The following CNDP1 variants were observed in gnomAD, a reference collection of about 807,000 sequenced individuals.
The protein encoded by CNDP1 is carnosine dipeptidase 1.
In CNDP1, 44 loss-of-function variants were observed where a neutral mutation model predicts 58.1. The ratio of observed to expected loss-of-function variants is 0.76; its 90% CI spans 0.60 to 0.97. The LOEUF (loss-of-function observed/expected upper bound fraction) is 0.97, where lower values mean the gene tolerates loss of function less well. Ranked by LOEUF, CNDP1 falls within the 50% of genes least tolerant of loss-of-function variation. The pLI is 0.00. For missense variants in CNDP1, 616 were observed against 655.1 expected (o/e 0.94, Z 0.65); for synonymous variants, 254 against 252.6 (o/e 1.01, Z -0.05).
intron 1 of CNDP1, among the ~76,000 whole-genome samples, chr18:74,540,744 G>A (rs538514552): frequency 1.3e-5 from 2 of 152,336 alleles, no homozygotes; most frequent in Admixed American, 6.5e-5. Context: ...GATTTTCAGG[G>A]TGATTGGCGA....
At chr18:74,573,971 G>A (rs1388748563) in intron 7 of CNDP1, among the ~76,000 whole-genome samples, 1 of 152,176 alleles carries the variant, frequency 6.6e-6, no homozygotes, top group East Asian at 1.9e-4. Context: ...AAAAACATAA[G>A]GACATAGTGT....
intron 6 of CNDP1, among the ~76,000 whole-genome samples, chr18:74,570,586 G>A (rs1471674483): frequency 6.6e-6 from 1 of 152,214 alleles, no homozygotes; most frequent in Non-Finnish European, 1.5e-5. Flanking sequence ...TGTTGGCAAA[G>A]TCCCTTAGGA....
intron 10 of CNDP1, among the ~76,000 whole-genome samples, chr18:74,583,317 T>G (rs966822462): frequency 1.3e-5 from 2 of 152,190 alleles, no homozygotes; most frequent in South Asian, 4.1e-4. Context: ...CTAAAATCTT[T>G]TTTAAAGTAG....
At chr18:74,541,865 G>A (rs920106198) in intron 1 of CNDP1, among the ~76,000 whole-genome samples, 3 of 152,220 alleles carry the variant, frequency 2.0e-5, no homozygotes, top group Admixed American at 6.5e-5. Context: ...CATGGTACAC[G>A]TGGCTCAGCT....
intron 3 of CNDP1, among the ~76,000 whole-genome samples, chr18:74,560,021 T>TTTTC (rs1981147057): frequency 6.7e-6 from 1 of 149,122 alleles, no homozygotes; most frequent in Non-Finnish European, 1.5e-5. Flanking sequence ...TTTTTTTTTT[T>TTTTC]TTTTTTGAGA....
At chr18:74,536,327 TCTC>T (rs1300917056) in intron 1 of CNDP1, among the ~76,000 whole-genome samples, 2 of 152,118 alleles carry the variant, frequency 1.3e-5, no homozygotes, top group African/African-American at 4.8e-5. Flanking sequence ...TGTGTGTTGT[TCTC>T]CTCTATGTGT....
intron 1 of CNDP1, among the ~76,000 whole-genome samples, chr18:74,551,151 C>A (rs1214891841): frequency 6.6e-6 from 1 of 152,202 alleles, no homozygotes; most frequent in East Asian, 1.9e-4. Context: ...CCTGCCTGTT[C>A]CTGCTTCACC....
At chr18:74,543,915 T>A (rs1489627074) in intron 1 of CNDP1, among the ~76,000 whole-genome samples, 1 of 152,030 alleles carries the variant, frequency 6.6e-6, no homozygotes, top group Non-Finnish European at 1.5e-5. Flanking sequence ...TGGGTCCCCA[T>A]CTCTAAAAAA....
In CNDP1 at chr18:74,534,617, A is replaced by G; in HGVS notation, c.-51A>G. On this transcript the variant is annotated 5_prime_UTR_variant, in exon 1 of 12. Coordinates refer to ENST00000358821, the MANE Select transcript of CNDP1 (RefSeq NM_032649.6). Reference sequence around the variant, plus strand: ...GGGCTTTCATGGGACTCCCTCTGCCACATTTTTTGGAGGTTGGGAAAGTTG... The same window carrying G: ...GGGCTTTCATGGGACTCCCTCTGCCGCATTTTTTGGAGGTTGGGAAAGTTG... 2 of 1,608,884 alleles carry G rather than the reference A, an allele frequency of 1.2e-6. No homozygotes were observed. Among genetic ancestry groups the G allele is most frequent in the Non-Finnish European group, 1.7e-6 (2 of 1,175,376 alleles).
intron 2 of CNDP1, among the ~76,000 whole-genome samples, chr18:74,558,160 A>G (rs150804907): frequency 3.3e-5 from 5 of 152,332 alleles, no homozygotes; most frequent in African/African-American, 9.6e-5. Flanking sequence ...TCAAACTCAA[A>G]TAAGTCAGGA....
chr18:74,578,421 T>C (rs1981690336), intron 9 of CNDP1, 94 bp downstream of exon 9: 3 of 1,265,168 alleles, frequency 2.4e-6, no homozygotes, highest in East Asian at 2.4e-5. Context: ...GTTGCTACCA[T>C]TGGAGTATCA....
intron 1 of CNDP1, among the ~76,000 whole-genome samples, chr18:74,544,983 G>A (rs1301473009): frequency 2.0e-5 from 3 of 152,094 alleles, no homozygotes; most frequent in Admixed American, 6.6e-5. Context: ...GTGCACACAC[G>A]GAGGCAGAGA....
At chr18:74,550,579 ATT>A (rs796382003) in intron 1 of CNDP1, among the ~76,000 whole-genome samples, 215 of 138,162 alleles carry the variant, frequency 1.6e-3, no homozygotes, top group African/African-American at 4.7e-3. Flanking sequence ...GCATTATTGA[ATT>A]TTTTTTTTTT....
chr18:74,573,583 A>G (rs1244927287), intron 7 of CNDP1, among the ~76,000 whole-genome samples: 1 of 152,240 alleles, frequency 6.6e-6, no homozygotes, highest in African/African-American at 2.4e-5. Flanking sequence ...TTTCCCTTAA[A>G]GAGTTTAAAT....
intron 1 of CNDP1, among the ~76,000 whole-genome samples, chr18:74,537,424 C>T (rs185950942): frequency 1.3e-5 from 2 of 152,238 alleles, no homozygotes; most frequent in Admixed American, 1.3e-4. Context: ...TTGTTTTTGT[C>T]GCTATTGCTG....
intron 6 of CNDP1, among the ~76,000 whole-genome samples, chr18:74,568,228 G>C (rs1822556323): frequency 1.3e-5 from 2 of 152,202 alleles, no homozygotes; most frequent in Non-Finnish European, 2.9e-5. Context: ...TTGAGATTCA[G>C]ATGTCAGCAC....
chr18:74,548,698 T>A (rs1431789235), intron 1 of CNDP1, among the ~76,000 whole-genome samples: 1 of 152,130 alleles, frequency 6.6e-6, no homozygotes, highest in Non-Finnish European at 1.5e-5. Context: ...AACAGGAAGA[T>A]GAGGGAAAGT....
chr18:74,583,477 G>T, intron 10 of CNDP1, 84 bp from the exon 11 acceptor site: 1 of 1,075,548 alleles, frequency 9.3e-7, no homozygotes, highest in Non-Finnish European at 1.4e-6. Context: ...GAGAGAGGAA[G>T]GTAAAGGAGG....
intron 1 of CNDP1, among the ~76,000 whole-genome samples, chr18:74,538,084 G>T (rs997104521): frequency 1.3e-5 from 2 of 152,080 alleles, no homozygotes; most frequent in African/African-American, 4.8e-5. Context: ...TCATTCAGTG[G>T]CTTTTAGTAT....
Sources: gnomAD v4.1 joint callset for allele counts (sites outside exome capture counted in the v4.1 genomes callset) on GRCh38, gnomAD v4.1.1 for gene constraint, MANE v1.5 for transcripts, NCBI Gene and HGNC (gene_info 2026-07-23, HGNC 2026-07-21) for gene names.